Variants in LRRC4C observed in about 807,000 individuals in gnomAD.
The protein encoded by LRRC4C is leucine-rich repeat-containing protein 4C.
A neutral mutation model predicts 33.6 loss-of-function variants in LRRC4C; 5 were observed. The ratio of observed to expected loss-of-function variants is 0.15; its 90% CI spans 0.08 to 0.31. The LOEUF (loss-of-function observed/expected upper bound fraction) is 0.31. LRRC4C is among the 10% of genes least tolerant of loss of function. The pLI is 1.00. For missense variants in LRRC4C, 560 were observed against 796.7 expected, an observed-to-expected ratio of 0.70 and a Z score of 3.58; for synonymous variants, 329 against 302.0, an observed-to-expected ratio of 1.09 and a Z score of -0.93.
chr11:40,396,717 AT>A (rs967253753), intron 3 of LRRC4C, among the ~76,000 whole-genome samples: 6 of 152,202 alleles, frequency 3.9e-5, no homozygotes, highest in South Asian at 2.1e-4. Flanking sequence ...AATAACATAC[AT>A]TTTTTAAAAA....
intron 2 of LRRC4C, among the ~76,000 whole-genome samples, chr11:40,743,672 T>C (rs1325801483): frequency 6.6e-6 from 1 of 152,106 alleles, no homozygotes; most frequent in Non-Finnish European, 1.5e-5. Context: ...AAGTGAGACT[T>C]TTAAATTAAA....
intron 1 of LRRC4C, among the ~76,000 whole-genome samples, chr11:41,324,040 T>C (rs766474542): frequency 1.3e-5 from 2 of 152,200 alleles, no homozygotes; most frequent in African/African-American, 2.4e-5. Flanking sequence ...TTTACCAGAA[T>C]TGCCTGGAGA....
intron 1 of LRRC4C, among the ~76,000 whole-genome samples, chr11:41,376,272 T>C (rs1411285684): frequency 1.3e-5 from 2 of 152,184 alleles, no homozygotes; most frequent in African/African-American, 4.8e-5. Context: ...TATGCCACTT[T>C]GCCAGCCTTG....
chr11:40,187,262 A>G lies in LRRC4C; in HGVS notation c.-95-46409T>C, dbSNP rs544194997. Among the ~76,000 whole-genome samples the G allele has an allele frequency of 5.0e-4, 76 of 152,054 alleles. 1 individual carries two copies. Among genetic ancestry groups the G allele is most frequent in the African/African-American group, 1.3e-3 (53 of 41,464 alleles). On this transcript the variant is annotated intron_variant, in intron 5 of 6. Coordinates refer to ENST00000528697, the MANE Select transcript of LRRC4C (RefSeq NM_001258419.2). ...TCTTAACACTGCTCGGGAGCAGCAG[A>G]GGCACACTCAGCTGAAGATGAGAAT...
intron 2 of LRRC4C, among the ~76,000 whole-genome samples, chr11:40,727,033 CA>C (rs1454586551): frequency 1.3e-5 from 2 of 152,054 alleles, no homozygotes; most frequent in African/African-American, 2.4e-5. Context: ...ACTAGAAATG[CA>C]TTTAACCAAG....
chr11:41,270,822 T>C lies in LRRC4C; in HGVS notation c.-496+188609A>G, dbSNP rs182457657. On this transcript the variant is annotated intron_variant, in intron 1 of 6. Coordinates refer to ENST00000528697, the MANE Select transcript of LRRC4C (RefSeq NM_001258419.2). ...GAAATGTATTATATTACCATTCTTG[T>C]ATTCAGAAGTCTAAAATCACGAGGT... Among the ~76,000 whole-genome samples the C allele has an allele frequency of 1.7e-3, 255 of 152,282 alleles. 1 individual carries two copies. Among genetic ancestry groups the C allele is most frequent in the Non-Finnish European group, 8.4e-4 (57 of 68,012 alleles).
chr11:41,454,248 C>A (rs1214932622), intron 1 of LRRC4C, among the ~76,000 whole-genome samples: 2 of 152,102 alleles, frequency 1.3e-5, no homozygotes, highest in Non-Finnish European at 2.9e-5. Flanking sequence ...TACATCTTTT[C>A]TGATATGTTC....
intron 3 of LRRC4C, among the ~76,000 whole-genome samples, chr11:40,524,134 G>T (rs1461734916): frequency 6.6e-6 from 1 of 152,032 alleles, no homozygotes; most frequent in African/African-American, 2.4e-5. Flanking sequence ...CTGAAGTAAG[G>T]GTTTTTCCTA....
At chr11:41,057,273 G>A (rs1476462623) in intron 1 of LRRC4C, among the ~76,000 whole-genome samples, 1 of 152,164 alleles carries the variant, frequency 6.6e-6, no homozygotes, top group African/African-American at 2.4e-5. Context: ...TCACACACTC[G>A]AGGCAGTGCT....
intron 2 of LRRC4C, among the ~76,000 whole-genome samples, chr11:40,766,353 TAAAAAAA>T (rs60152534): frequency 8.8e-5 from 3 of 33,902 alleles, no homozygotes; most frequent in African/African-American, 1.1e-4. Flanking sequence ...TTCAGTCTGT[TAAAAAAA>T]AAAAAAAAAA....
At chr11:40,150,233 A>G (rs1176963069) in intron 5 of LRRC4C, among the ~76,000 whole-genome samples, 1 of 152,170 alleles carries the variant, frequency 6.6e-6, no homozygotes, top group African/African-American at 2.4e-5. Context: ...AGGATGATCT[A>G]ATCTCAAGAT....
At chr11:40,270,581 T>A (rs924932037) in intron 4 of LRRC4C, among the ~76,000 whole-genome samples, 1 of 151,974 alleles carries the variant, frequency 6.6e-6, no homozygotes, top group African/African-American at 2.4e-5. Flanking sequence ...CCCATAACAC[T>A]CTCTTCTTCT....
intron 3 of LRRC4C, among the ~76,000 whole-genome samples, chr11:40,458,720 A>G (rs914171139): frequency 6.6e-6 from 1 of 152,202 alleles, no homozygotes; most frequent in Non-Finnish European, 1.5e-5. Context: ...AAAGAATAAG[A>G]GAATCTAGAA....
intron 2 of LRRC4C, among the ~76,000 whole-genome samples, chr11:40,877,763 AAACAACAAC>A (rs1045281578): frequency 6.6e-6 from 1 of 152,080 alleles, no homozygotes; most frequent in African/African-American, 2.4e-5. Flanking sequence ...GTTCACATTA[AAACAACAAC>A]AACAACAACA....
At chr11:40,868,338 T>C (rs1431660552) in intron 2 of LRRC4C, among the ~76,000 whole-genome samples, 1 of 152,182 alleles carries the variant, frequency 6.6e-6, no homozygotes, top group Admixed American at 6.6e-5. Context: ...TATTTCACTA[T>C]GACCAAGTTG....
intron 2 of LRRC4C, among the ~76,000 whole-genome samples, chr11:40,732,101 T>G (rs565123837): frequency 2.0e-5 from 3 of 152,238 alleles, no homozygotes; most frequent in African/African-American, 7.2e-5. Flanking sequence ...CAATAGAAGT[T>G]TCTATAATTG....
At chr11:40,385,117 C>T (rs954620563) in intron 3 of LRRC4C, among the ~76,000 whole-genome samples, 4 of 152,046 alleles carry the variant, frequency 2.6e-5, no homozygotes, top group Non-Finnish European at 5.9e-5. Context: ...TCTTCAGAGG[C>T]AGAGGCGGGC....
At chr11:41,439,776 A>G (rs1055063782) in intron 1 of LRRC4C, among the ~76,000 whole-genome samples, 2 of 152,200 alleles carry the variant, frequency 1.3e-5, no homozygotes, top group African/African-American at 2.4e-5. Flanking sequence ...CAGTTTAGTT[A>G]GTATGGGTGC....
intron 1 of LRRC4C, among the ~76,000 whole-genome samples, chr11:41,202,252 A>G (rs970297362): frequency 6.6e-6 from 1 of 152,050 alleles, no homozygotes; most frequent in Non-Finnish European, 1.5e-5. Context: ...CATTGACTCA[A>G]CTTTTTCTGT....
Sources: allele counts gnomAD v4.1 joint callset (sites outside exome capture counted in the v4.1 genomes callset), GRCh38; gene constraint gnomAD v4.1.1; transcripts MANE v1.5; gene names NCBI Gene and HGNC (gene_info 2026-07-23, HGNC 2026-07-21).